The following TAFA5 variants were observed in gnomAD, a reference collection of about 807,000 sequenced individuals.
TAFA5 encodes TAFA chemokine like family member 5.
TAFA5 carries 6 observed loss-of-function variants against 15.3 expected under a neutral mutation model. The ratio of observed to expected loss-of-function variants is 0.39; its 90% CI spans 0.21 to 0.77. The LOEUF is 0.77. Among genes scored for constraint, TAFA5 ranks in the 30% least tolerant of loss-of-function variants. The pLI is 0.41. For missense variants in TAFA5, 161 were observed against 193.1 expected, an observed-to-expected ratio of 0.83 and a Z score of 0.98; for synonymous variants, 103 against 80.7, an observed-to-expected ratio of 1.28 and a Z score of -1.48.
intron 2 of TAFA5, among the ~76,000 whole-genome samples, chr22:48,696,667 G>A (rs182534122): frequency 1.7e-3 from 252 of 152,334 alleles, no homozygotes; most frequent in African/African-American, 5.8e-3. Context: ...TGATGGCTGG[G>A]GTCTGACACC....
intron 3 of TAFA5, among the ~76,000 whole-genome samples, chr22:48,745,841 T>C (rs936693625): frequency 3.3e-5 from 5 of 152,274 alleles, no homozygotes; most frequent in African/African-American, 1.2e-4. Context: ...CAGGCACCTC[T>C]CCTGGCAGCA....
chr22:48,605,665 A>G lies in TAFA5; in HGVS notation c.113-40932A>G, dbSNP rs1256295819. On this transcript the variant is annotated intron_variant, in intron 1 of 3. Coordinates refer to ENST00000402357, the MANE Select transcript of TAFA5 (RefSeq NM_001082967.3). Reference sequence around the variant, plus strand: ...GGTCAAGAAACTTGCCCAAGGCCCAAAGCTTGTACCTGGGAGGCCTCTAAA... The same window carrying G: ...GGTCAAGAAACTTGCCCAAGGCCCAGAGCTTGTACCTGGGAGGCCTCTAAA... Among the ~76,000 whole-genome samples, 10 of 152,208 alleles carry G rather than the reference A, an allele frequency of 6.6e-5. No individual in the cohort carries two copies. The East Asian group carries it at 1.7e-3, about 26-fold the overall frequency.
At chr22:48,570,342 T>C (rs549273506) in intron 1 of TAFA5, among the ~76,000 whole-genome samples, 29 of 152,374 alleles carry the variant, frequency 1.9e-4, no homozygotes, top group African/African-American at 6.5e-4. Context: ...ATTGTTTTTA[T>C]GAGACAAGGG....
chr22:48,713,047 T>C (rs1929300760), intron 3 of TAFA5, among the ~76,000 whole-genome samples: 1 of 152,268 alleles, frequency 6.6e-6, no homozygotes, highest in Non-Finnish European at 1.5e-5. Context: ...AAGATACTTG[T>C]CAGTGAGCTG....
intron 1 of TAFA5, among the ~76,000 whole-genome samples, chr22:48,533,120 C>G (rs1262391073): frequency 2.6e-5 from 4 of 152,066 alleles, no homozygotes; most frequent in Non-Finnish European, 4.4e-5. Context: ...TGGGAGCACC[C>G]CCTGGGAGGC....
chr22:48,561,502 C>G (rs555512659), intron 1 of TAFA5, among the ~76,000 whole-genome samples: 31 of 152,276 alleles, frequency 2.0e-4, no homozygotes, highest in African/African-American at 7.5e-4. Context: ...ACTTCTGGAG[C>G]CTGACCTCTC....
chr22:48,580,596 C>T (rs28644394), intron 1 of TAFA5, among the ~76,000 whole-genome samples: 1 of 152,136 alleles, frequency 6.6e-6, no homozygotes, highest in African/African-American at 2.4e-5. Context: ...TTGGTGAGGG[C>T]TCGAGGCTGC....
intron 1 of TAFA5, among the ~76,000 whole-genome samples, chr22:48,555,179 G>A (rs1315365214): frequency 6.6e-6 from 1 of 152,240 alleles, no homozygotes; most frequent in Non-Finnish European, 1.5e-5. Context: ...CGTGGATGCC[G>A]AGTGAAGGGA....
rs564204952 is a variant in TAFA5 at position 48,521,718 on chromosome 22, C to T, written c.112+32014C>T. Among the ~76,000 whole-genome samples the T allele has an allele frequency of 7.9e-5, 12 of 152,230 alleles. No individual in the cohort carries two copies. The South Asian group carries it at 2.3e-3, about 29-fold the overall frequency. On this transcript the variant is annotated intron_variant, in intron 1 of 3. Coordinates refer to ENST00000402357, the MANE Select transcript of TAFA5 (RefSeq NM_001082967.3). ...CGTTAGGTGTAAAAGGTAAATACGG[C>T]GAGAAGTTTCCATCACCACCTGGAA... is the stretch of plus-strand genomic sequence containing the variant.
At chr22:48,749,762 G>T (rs1009245439) in intron 3 of TAFA5, 77 bp from the exon 4 acceptor site, 2 of 1,517,702 alleles carry the variant, frequency 1.3e-6, no homozygotes, top group East Asian at 2.4e-5. Flanking sequence ...GCCGGGGAGG[G>T]AAGAGGAGCC....
At chr22:48,590,605 A>G (rs1414623432) in intron 1 of TAFA5, among the ~76,000 whole-genome samples, 1 of 152,072 alleles carries the variant, frequency 6.6e-6, no homozygotes, top group Non-Finnish European at 1.5e-5. Flanking sequence ...GCTGACCACG[A>G]GGGGCTGCCA....
intron 1 of TAFA5, among the ~76,000 whole-genome samples, chr22:48,529,163 TTGAGGGTGTCCAGGCAGGAGA>T (rs561184063): frequency 7.3e-6 from 1 of 136,186 alleles, no homozygotes; most frequent in Admixed American, 7.5e-5. Flanking sequence ...GTGGAGGCTG[TTGAGGGTGTCCAGGCAGGAGA>T]TGAGGGTGTC....
At chr22:48,561,665 C>T (rs1923235156) in intron 1 of TAFA5, among the ~76,000 whole-genome samples, 2 of 152,234 alleles carry the variant, frequency 1.3e-5, no homozygotes, top group South Asian at 4.1e-4. Context: ...GACCCCCCAA[C>T]CCCACTGGAG....
chr22:48,624,447 C>G (rs962502311), intron 1 of TAFA5, among the ~76,000 whole-genome samples: 3 of 152,192 alleles, frequency 2.0e-5, no homozygotes, highest in Non-Finnish European at 4.4e-5. Flanking sequence ...AGGACACATC[C>G]ACTCTACTTG....
At chr22:48,599,372 CAG>C (rs1172716924) in intron 1 of TAFA5, among the ~76,000 whole-genome samples, 2 of 152,212 alleles carry the variant, frequency 1.3e-5, no homozygotes, top group Admixed American at 6.5e-5. Flanking sequence ...AGGGCTGGGA[CAG>C]AGACTGAACG....
At chr22:48,554,252 T>G (rs1922953796) in intron 1 of TAFA5, among the ~76,000 whole-genome samples, 1 of 152,208 alleles carries the variant, frequency 6.6e-6, no homozygotes, top group African/African-American at 2.4e-5. Flanking sequence ...TTTGACGGGC[T>G]AGTTTAGGCC....
intron 2 of TAFA5, among the ~76,000 whole-genome samples, chr22:48,651,745 C>T (rs974435763): frequency 6.6e-5 from 10 of 152,142 alleles, no homozygotes; most frequent in African/African-American, 1.4e-4. Flanking sequence ...AGGGGCACCA[C>T]GAGGGGGATC....
At chr22:48,693,797 TCCTGAC>T in intron 2 of TAFA5, among the ~76,000 whole-genome samples, 1 of 152,258 alleles carries the variant, frequency 6.6e-6, no homozygotes, top group African/African-American at 2.4e-5. Context: ...CAGGCCACAA[TCCTGAC>T]CCAGCTGTGG....
chr22:48,656,332 C>T lies in TAFA5; in HGVS notation c.262+9586C>T, dbSNP rs912817245. ...CATCCTGGCCAACATGGTGAAGCCCCGTCTCTACTAAAAAATACAAAAAAT... is the reference window on the plus strand; with the variant it reads ...CATCCTGGCCAACATGGTGAAGCCCTGTCTCTACTAAAAAATACAAAAAAT... On this transcript the variant is annotated intron_variant, in intron 2 of 3. Transcript: ENST00000402357. 5.9e-5 allele frequency among the ~76,000 whole-genome samples: 9 copies of T among 151,860 alleles called. 1 individual carries two copies. The highest frequency in any genetic ancestry group is 5.2e-4 in the Admixed American group (8 of 15,240).
Sources: allele counts gnomAD v4.1 joint callset (sites outside exome capture counted in the v4.1 genomes callset), GRCh38; gene constraint gnomAD v4.1.1; transcripts MANE v1.5; gene names NCBI Gene and HGNC (gene_info 2026-07-23, HGNC 2026-07-21).